Variants in UVRAG observed in about 807,000 individuals in gnomAD.
UVRAG encodes UV radiation resistance-associated gene protein.
A neutral mutation model predicts 78.0 loss-of-function variants in UVRAG; 19 were observed. The observed-to-expected ratio is 0.24, with a 90% CI of 0.17 to 0.36. The LOEUF (loss-of-function observed/expected upper bound fraction) is 0.36, where lower values mean the gene tolerates loss of function less well. Ranked by LOEUF, UVRAG falls within the 10% of genes least tolerant of loss-of-function variation. The pLI, the probability that UVRAG is intolerant of heterozygous loss-of-function variation, is 1.00. For synonymous variants in UVRAG, 323 were observed against 324.6 expected, an observed-to-expected ratio of 1.00 and a Z score of 0.05; for missense variants, 740 against 853.8, an observed-to-expected ratio of 0.87 and a Z score of 1.66.
chr11:75,842,530 C>G (rs550623612), intron 1 of UVRAG, among the ~76,000 whole-genome samples: 2 of 151,828 alleles, frequency 1.3e-5, no homozygotes, highest in Admixed American at 6.6e-5. Context: ...CAACCTCCCC[C>G]TCCTGGGTTC....
In UVRAG at chr11:76,141,498, G is replaced by T; in HGVS notation, c.*85G>T. 7.8e-7 allele frequency: 1 copy of T among 1,283,082 alleles called. No homozygotes were observed. Among genetic ancestry groups the T allele is most frequent in the Non-Finnish European group, 1.1e-6 (1 of 932,130 alleles). 79.5% of individuals were successfully genotyped at this position (1,283,082 alleles called of 1,614,324 possible). A position where few individuals can be genotyped will look rare whatever the true frequency, so the allele number is the denominator to read the frequency against. On this transcript the variant is annotated 3_prime_UTR_variant, in exon 15 of 15. Transcript: ENST00000356136. ...GCACTTAACCCTTTGTGATAATGAT[G>T]ACACAAAATGAATATTAATGGAGGA...
intron 12 of UVRAG, among the ~76,000 whole-genome samples, chr11:76,062,251 A>C (rs76267557): frequency 1.3e-5 from 2 of 152,240 alleles, no homozygotes; most frequent in African/African-American, 4.8e-5. Context: ...ATCCTTAACT[A>C]TTTTAGATCT....
At chr11:76,004,540 C>A (rs1949888239) in intron 9 of UVRAG, among the ~76,000 whole-genome samples, 2 of 151,658 alleles carry the variant, frequency 1.3e-5, no homozygotes, top group South Asian at 4.2e-4. Context: ...ACGATCAGAC[C>A]TCTCCTCTTA....
At chr11:76,126,609 A>G (rs1565171857) in intron 14 of UVRAG, among the ~76,000 whole-genome samples, 1 of 152,182 alleles carries the variant, frequency 6.6e-6, no homozygotes, top group Non-Finnish European at 1.5e-5. Context: ...GTAGTATTTC[A>G]TCATTTAGAT....
chr11:75,865,058 C>T (rs937467057), intron 3 of UVRAG, among the ~76,000 whole-genome samples: 2 of 152,026 alleles, frequency 1.3e-5, no homozygotes, highest in South Asian at 2.1e-4. Context: ...GAGGCTGAGG[C>T]GGGCGGATCA....
At chr11:75,995,500 T>TG (rs1949689855) in intron 8 of UVRAG, among the ~76,000 whole-genome samples, 1 of 122,242 alleles carries the variant, frequency 8.2e-6, no homozygotes, top group Non-Finnish European at 1.7e-5. Context: ...ATTGTCATTT[T>TG]GAAAAAAAAA....
At chr11:76,012,610 T>C (rs11825529) in intron 11 of UVRAG, among the ~76,000 whole-genome samples, 19,248 of 152,118 alleles carry the variant, frequency 0.13, 3,081 homozygotes, top group African/African-American at 0.38. Flanking sequence ...ATAGACTTTA[T>C]GCTGCATGGG....
intron 1 of UVRAG, among the ~76,000 whole-genome samples, chr11:75,828,524 T>A (rs1945568912): frequency 1.3e-5 from 2 of 150,946 alleles, no homozygotes; most frequent in South Asian, 4.2e-4. Flanking sequence ...TTGCCCAGGT[T>A]GGAATGCAGT....
intron 3 of UVRAG, among the ~76,000 whole-genome samples, chr11:75,875,142 C>CTACT (rs1330176392): frequency 6.6e-6 from 1 of 152,164 alleles, no homozygotes; most frequent in Non-Finnish European, 1.5e-5. Flanking sequence ...ATTTGCTGAG[C>CTACT]TACTCATTTT....
intron 13 of UVRAG, among the ~76,000 whole-genome samples, chr11:76,099,577 A>G (rs1437605038): frequency 6.6e-6 from 1 of 152,196 alleles, no homozygotes; most frequent in Non-Finnish European, 1.5e-5. Flanking sequence ...TGTCATCTTT[A>G]TAGTAACAGG....
intron 14 of UVRAG, among the ~76,000 whole-genome samples, chr11:76,132,290 T>C (rs1013432270): frequency 7.2e-5 from 11 of 152,220 alleles, no homozygotes; most frequent in Non-Finnish European, 1.5e-4. Flanking sequence ...AGATCAAATG[T>C]TGTTTAAAAG....
At chr11:76,016,785 T>C (rs1950153350) in intron 11 of UVRAG, 30 bp from the exon 12 acceptor site, 4 of 1,565,544 alleles carry the variant, frequency 2.6e-6, no homozygotes, top group Non-Finnish European at 3.5e-6. Context: ...TAAATAGTTA[T>C]TTTCTTTTCC....
chr11:75,874,574 T>C (rs1252650223), intron 3 of UVRAG, among the ~76,000 whole-genome samples: 1 of 152,236 alleles, frequency 6.6e-6, no homozygotes, highest in Non-Finnish European at 1.5e-5. Context: ...ATTTACTTCA[T>C]GTGGATTTAT....
intron 13 of UVRAG, among the ~76,000 whole-genome samples, chr11:76,068,921 T>C (rs138422631): frequency 3.9e-5 from 6 of 152,358 alleles, no homozygotes; most frequent in Non-Finnish European, 7.3e-5. Flanking sequence ...CAAATCATAC[T>C]ATTAAAATGG....
At chr11:75,883,366 G>GACCA (rs796973314) in intron 4 of UVRAG, among the ~76,000 whole-genome samples, 1 of 30,818 alleles carries the variant, frequency 3.2e-5, no homozygotes. Flanking sequence ...GAGTAACAGA[G>GACCA]AACAAAAAAA....
Position 76,004,037 on chromosome 11 carries a change from C to G in UVRAG, c.859C>G (p.Gln287Glu). 1 of 1,614,028 alleles carries G rather than the reference C, an allele frequency of 6.2e-7. No individual in the cohort carries two copies. The highest frequency in any genetic ancestry group is 8.5e-7 in the Non-Finnish European group (1 of 1,179,968). Residue 287 changes from glutamine to glutamate, a missense_variant, in exon 9 of 15, where the codon CAA becomes GAA. Gln to Glu is a conservative substitution (Grantham distance 29). Coordinates refer to ENST00000356136, the MANE Select transcript of UVRAG (RefSeq NM_003369.4). Reference sequence around the variant, plus strand: ...ATTTTCAGCTGAGCACCTCAAACTTCAACTCCAGAAGGAATCCCTAAATGA... The same window carrying G: ...ATTTTCAGCTGAGCACCTCAAACTTGAACTCCAGAAGGAATCCCTAAATGA... ...SAFSAEHLKL[Q>E]LQKESLNELR...
chr11:76,026,525 C>T (rs1950329247), intron 12 of UVRAG, among the ~76,000 whole-genome samples: 1 of 152,126 alleles, frequency 6.6e-6, no homozygotes, highest in Admixed American at 6.6e-5. Context: ...TCATATCATG[C>T]TTAGGCTTAA....
intron 14 of UVRAG, among the ~76,000 whole-genome samples, chr11:76,123,706 G>T (rs1481709635): frequency 2.0e-5 from 3 of 152,136 alleles, no homozygotes; most frequent in Non-Finnish European, 2.9e-5. Context: ...GAAAATATGG[G>T]TTCCAGTTTC....
intron 14 of UVRAG, among the ~76,000 whole-genome samples, chr11:76,129,704 C>T (rs938737519): frequency 2.6e-5 from 4 of 152,150 alleles, no homozygotes; most frequent in Non-Finnish European, 4.4e-5. Flanking sequence ...CCAATTTCTC[C>T]TGCTATTTCT....
Sources: gnomAD v4.1 joint callset for allele counts (sites outside exome capture counted in the v4.1 genomes callset) on GRCh38, gnomAD v4.1.1 for gene constraint, MANE v1.5 for transcripts, NCBI Gene and HGNC (gene_info 2026-07-23, HGNC 2026-07-21) for gene names.